SUSD4: variants seen among roughly 807,000 people sequenced by gnomAD.
The protein encoded by SUSD4 is sushi domain containing 4.
A neutral mutation model predicts 50.5 loss-of-function variants in SUSD4; 41 were observed. The observed-to-expected ratio is 0.81, with a 90% CI of 0.63 to 1.05. The LOEUF (loss-of-function observed/expected upper bound fraction) is 1.05, where lower values mean the gene tolerates loss of function less well. Among genes scored for constraint, SUSD4 ranks in the 50% least tolerant of loss-of-function variants. The probability of loss-of-function intolerance (pLI) is 0.00; values close to 1 mark genes in which losing one functional copy is unlikely to be tolerated. For missense variants in SUSD4, 580 were observed against 634.7 expected (o/e 0.91, Z 0.93); for synonymous variants, 257 against 257.3 (o/e 1.00, Z 0.01).
intron 3 of SUSD4, chr1:223,289,092 C>T (rs1664321171): frequency 1.0e-6 from 1 of 985,290 alleles, no homozygotes; most frequent in South Asian, 4.7e-5. Context: ...AGATGGTGGC[C>T]AGCACCCTGG....
At chr1:223,281,913 A>T (rs1571964458) in intron 3 of SUSD4, among the ~76,000 whole-genome samples, 1 of 152,270 alleles carries the variant, frequency 6.6e-6, no homozygotes, top group South Asian at 2.1e-4. Flanking sequence ...CTTCATCCCT[A>T]GGATGCAAGG....
At chr1:223,323,000 G>A (rs1162263117) in intron 2 of SUSD4, among the ~76,000 whole-genome samples, 1 of 152,282 alleles carries the variant, frequency 6.6e-6, no homozygotes, top group Admixed American at 6.5e-5. Context: ...AGAAAGGGTA[G>A]CACCTGCCTC....
In SUSD4 at chr1:223,266,126, G is replaced by C. The variant is rs80319359; in HGVS notation, c.536-1308C>G. Among the ~76,000 whole-genome samples the C allele has an allele frequency of 6.3e-3, 961 of 152,302 alleles. 10 individuals carry two copies. Among genetic ancestry groups the C allele is most frequent in the African/African-American group, 0.022 (902 of 41,566 alleles). On this transcript the variant is annotated intron_variant, in intron 4 of 8. Transcript: ENST00000366878. ...TGGGCAGTGCCAATCCTGCACTGCT[G>C]TGTCCTGGGGCCATGCGGCTCTGCA...
chr1:223,279,612 T>C (rs544138481), intron 3 of SUSD4, among the ~76,000 whole-genome samples: 3 of 152,154 alleles, frequency 2.0e-5, no homozygotes, highest in African/African-American at 2.4e-5. Context: ...CTACATCTGA[T>C]TGATGTACCT....
At chr1:223,308,721 G>A (rs1248335348) in intron 2 of SUSD4, among the ~76,000 whole-genome samples, 1 of 152,144 alleles carries the variant, frequency 6.6e-6, no homozygotes, top group African/African-American at 2.4e-5. Context: ...AGCTCCCACA[G>A]CTCTGAGTGA....
chr1:223,358,787 C>G (rs1441609347), intron 2 of SUSD4: 1 of 184,240 alleles, frequency 5.4e-6, no homozygotes, highest in Non-Finnish European at 1.2e-5. Context: ...ATTAAGGTAG[C>G]CTTTTGTTGA....
Position 223,229,134 on chromosome 1 carries a change from C to T in SUSD4, c.916+63G>A. 2.7e-6 allele frequency: 4 copies of T among 1,488,412 alleles called. No individual in the cohort carries two copies. The highest frequency in any genetic ancestry group is 3.7e-6 in the Non-Finnish European group (4 of 1,092,706). The allele number at this position is 1,488,412 out of a possible 1,614,324, so 92.2% of individuals were successfully genotyped here. ...ATACAGCTTGGTACATAACCACCACCCACTATGTGCAGATGGTCCAAGGAG... is the reference window on the plus strand; with the variant it reads ...ATACAGCTTGGTACATAACCACCACTCACTATGTGCAGATGGTCCAAGGAG... On this transcript the variant is annotated intron_variant, in intron 6 of 8. Coordinates refer to ENST00000366878, the MANE Select transcript of SUSD4 (RefSeq NM_017982.4). The surrounding 1 kb of genome is among the most constrained non-coding windows in gnomAD (Gnocchi z 4.7).
chr1:223,339,711 T>G (rs757173093), intron 2 of SUSD4, among the ~76,000 whole-genome samples: 3 of 152,278 alleles, frequency 2.0e-5, no homozygotes, highest in South Asian at 2.1e-4. Flanking sequence ...GGCCGAGGAA[T>G]CGTCTTTGCA....
intron 2 of SUSD4, among the ~76,000 whole-genome samples, chr1:223,351,906 C>G (rs1668389368): frequency 6.6e-6 from 1 of 151,800 alleles, no homozygotes; most frequent in Non-Finnish European, 1.5e-5. Flanking sequence ...TTAGCTTAGG[C>G]TACATCACCG....
At chr1:223,253,341 A>G (rs1413285544) in intron 5 of SUSD4, among the ~76,000 whole-genome samples, 1 of 152,022 alleles carries the variant, frequency 6.6e-6, no homozygotes, top group Admixed American at 6.6e-5. Flanking sequence ...TTCAGTACAA[A>G]AAAAAAAAGA....
intron 2 of SUSD4, among the ~76,000 whole-genome samples, chr1:223,313,876 A>G (rs541028712): frequency 1.2e-4 from 19 of 152,258 alleles, no homozygotes; most frequent in Non-Finnish European, 1.5e-4. Flanking sequence ...CCATGGCAAC[A>G]TCAGCAAGTT....
At chr1:223,241,266 A>T (rs1442287587) in intron 5 of SUSD4, among the ~76,000 whole-genome samples, 1 of 152,136 alleles carries the variant, frequency 6.6e-6, no homozygotes, top group Admixed American at 6.5e-5. Context: ...TGTGAGAAAA[A>T]TGTTTCCTGT....
chr1:223,229,185 C>T lies in SUSD4; in HGVS notation c.916+12G>A. On this transcript the variant is annotated intron_variant, in intron 6 of 8. Coordinates refer to ENST00000366878, the MANE Select transcript of SUSD4 (RefSeq NM_017982.4). This position sits in a 1 kb window ranked among gnomAD's most constrained non-coding sequence, Gnocchi z 4.7. ...GGTCCATCTCCTCCAAGGGTGAGGC[C>T]TTCAGTCTTACCTGATTTGATGCAG... The T allele has an allele frequency of 6.3e-7, 1 of 1,589,214 alleles. No individual in the cohort carries two copies. The highest frequency in any genetic ancestry group is 1.1e-5 in the South Asian group (1 of 90,014).
At chr1:223,268,882 AGGGACCCAGGGCGT>A (rs1662713699) in intron 3 of SUSD4, among the ~76,000 whole-genome samples, 1 of 152,178 alleles carries the variant, frequency 6.6e-6, no homozygotes, top group Non-Finnish European at 1.5e-5. Flanking sequence ...GCTCAAAAAG[AGGGACCCAGGGCGT>A]GGGGATCCAA....
At chr1:223,260,698 C>A (rs1662051433) in intron 5 of SUSD4, among the ~76,000 whole-genome samples, 1 of 152,194 alleles carries the variant, frequency 6.6e-6, no homozygotes, top group Admixed American at 6.5e-5. Context: ...GGTGCTTTAT[C>A]TGACAACACA....
chr1:223,325,978 T>C (rs531825487), intron 2 of SUSD4, among the ~76,000 whole-genome samples: 102 of 152,162 alleles, frequency 6.7e-4, no homozygotes, highest in Non-Finnish European at 1.1e-3. Context: ...GCAATGCCCA[T>C]CAAAATACCA....
In SUSD4 at chr1:223,284,762, A is replaced by G. The variant is rs540261642; in HGVS notation, c.361+7677T>C. Among the ~76,000 whole-genome samples, 4 of 152,294 alleles carry G rather than the reference A, an allele frequency of 2.6e-5. No homozygotes were observed. The East Asian group carries it at 7.7e-4, about 29-fold the overall frequency. On this transcript the variant is annotated intron_variant, in intron 3 of 8. Transcript: ENST00000366878. ...TAAGGCTTATTTTAATAAGCCAGGA[A>G]TAGAAAGTTAAACACTGCATGTTCT...
At chr1:223,339,727 T>G (rs904040814) in intron 2 of SUSD4, among the ~76,000 whole-genome samples, 7 of 152,166 alleles carry the variant, frequency 4.6e-5, no homozygotes, top group Non-Finnish European at 8.8e-5. Flanking sequence ...TTGCAGAAGT[T>G]CCCTAGAGAT....
chr1:223,331,657 T>C (rs1344992613), intron 2 of SUSD4, among the ~76,000 whole-genome samples: 2 of 152,182 alleles, frequency 1.3e-5, no homozygotes, highest in Non-Finnish European at 2.9e-5. Flanking sequence ...AAACAGCAAC[T>C]TGCCTGACAA....
Sources: gnomAD v4.1 joint callset for allele counts (sites outside exome capture counted in the v4.1 genomes callset) on GRCh38, gnomAD v4.1.1 for gene constraint, Gnocchi (gnomAD v3.1) non-coding constraint, MANE v1.5 for transcripts, NCBI Gene and HGNC (gene_info 2026-07-23, HGNC 2026-07-21) for gene names.